Variants in STARD9 observed in about 807,000 individuals in gnomAD.
STARD9 encodes StAR related lipid transfer domain containing 9.
STARD9 carries 346 observed loss-of-function variants against 399.8 expected under a neutral mutation model. The ratio of observed to expected loss-of-function variants is 0.87; its 90% CI spans 0.79 to 0.95. The LOEUF is 0.95. Among genes scored for constraint, STARD9 ranks in the 40% least tolerant of loss-of-function variants. STARD9 has a pLI of 0.00. For synonymous variants in STARD9, 2,203 were observed against 2,143.5 expected (o/e 1.03, Z -0.77); for missense variants, 5,832 against 5,667.5 (o/e 1.03, Z -0.93).
Position 42,718,781 on chromosome 15 carries a change from T to C in STARD9, c.13872T>C (p.Ser4624=). Residue 4624 remains serine, a synonymous_variant, in exon 32 of 33, where the codon TCT becomes TCC. Transcript: ENST00000290607. ...EGHLSVMAAQ[S]VYDTSMPRPS... ...ACCTGTCTGTCATGGCAGCCCAGTC[T>C]GTGTATGATACATCCATGCCAAGAC... The C allele has an allele frequency of 3.3e-6, 5 of 1,537,252 alleles. No homozygotes were observed. Among genetic ancestry groups the C allele is most frequent in the Non-Finnish European group, 4.4e-6 (5 of 1,146,898 alleles).
In STARD9 at chr15:42,687,564, C is replaced by G; in HGVS notation, c.5986C>G (p.Leu1996Val). Residue 1996 changes from leucine to valine, a missense_variant, in exon 23 of 33, where the codon CTT becomes GTT. Physicochemically the swap from Leu to Val is conservative, Grantham distance 32. Transcript: ENST00000290607. ...RPKDSSEEFK[L>V]PGTKPAYERF... ...CAAAGATAGCTCAGAAGAGTTTAAG[C>G]TTCCAGGTACAAAGCCTGCATATGA... The G allele has an allele frequency of 6.5e-7, 1 of 1,537,006 alleles. No individual in the cohort carries two copies. The highest frequency in any genetic ancestry group is 1.2e-5 in the South Asian group (1 of 84,068).
Position 42,685,902 on chromosome 15 carries a change from G to T in STARD9, c.4324G>T (p.Gly1442Cys). 1 of 1,537,084 alleles carries T rather than the reference G, an allele frequency of 6.5e-7. No homozygotes were observed. Among genetic ancestry groups the T allele is most frequent in the African/African-American group, 1.4e-5 (1 of 73,134 alleles). Residue 1442 changes from glycine to cysteine, a missense_variant, in exon 23 of 33, where the codon GGC (glycine) becomes TGC (cysteine). Gly to Cys is a radical substitution (Grantham distance 159). Transcript: ENST00000290607. ...ACCAGGAGCTGATGGCACCTTTCAG[G>T]GCAGATGTATCCCTGACATGACCCA... ...IQPGADGTFQ[G>C]RCIPDMTQQG...
At chr15:42,679,930 G>A (rs575337117) in intron 20 of STARD9, among the ~76,000 whole-genome samples, 2 of 152,280 alleles carry the variant, frequency 1.3e-5, no homozygotes, top group African/African-American at 4.8e-5. Flanking sequence ...CAGCGTATGG[G>A]TCATACTGCC....
chr15:42,605,081 C>T (rs372957577), intron 3 of STARD9, among the ~76,000 whole-genome samples: 18 of 152,182 alleles, frequency 1.2e-4, no homozygotes, highest in East Asian at 7.7e-4. Context: ...TCAAAGACTT[C>T]TCAAAGCATC....
rs908168240 is a variant in STARD9 at position 42,618,058 on chromosome 15, C to T, written c.235-16798C>T. 2.6e-5 allele frequency among the ~76,000 whole-genome samples: 4 copies of T among 151,996 alleles called. No individual in the cohort carries two copies. In the East Asian group the frequency reaches 7.7e-4, roughly 29 times the overall value. ...ATAGGCATGAGCCACCGTGCCTAGCCCATTCCTTCATTTAGTACACACTTT... is the reference window on the plus strand; with the variant it reads ...ATAGGCATGAGCCACCGTGCCTAGCTCATTCCTTCATTTAGTACACACTTT... On this transcript the variant is annotated intron_variant, in intron 3 of 32. Coordinates refer to ENST00000290607, the MANE Select transcript of STARD9 (RefSeq NM_020759.3).
Position 42,663,630 on chromosome 15 carries a change from C to T in STARD9, c.1078+140C>T, listed in dbSNP as rs1170366059. 16 of 615,388 alleles carry T rather than the reference C, an allele frequency of 2.6e-5. No homozygotes were observed. In the Admixed American group the frequency reaches 4.7e-4, roughly 18 times the overall value. The allele number at this position is 615,388 out of a possible 1,614,324, so 38.1% of individuals were successfully genotyped here. ...CTATCTCAGAGAAAGGGCCATGGCC[C>T]CAGTGAGTGGGATGCCAGAGCTGGA... On this transcript the variant is annotated intron_variant, in intron 12 of 32. Coordinates refer to ENST00000290607, the MANE Select transcript of STARD9 (RefSeq NM_020759.3).
rs901981777 is a variant in STARD9, at chr15:42,674,518, C to T, written c.1549+27C>T. 11 of 1,530,068 alleles carry T rather than the reference C, an allele frequency of 7.2e-6. No individual in the cohort carries two copies. In the African/African-American group the frequency reaches 1.1e-4, roughly 15 times the overall value. 94.8% of individuals were successfully genotyped at this position (1,530,068 alleles called of 1,614,324 possible). A position where few individuals can be genotyped will look rare whatever the true frequency, so the allele number is the denominator to read the frequency against. On this transcript the variant is annotated intron_variant, in intron 17 of 32. Coordinates refer to ENST00000290607, the MANE Select transcript of STARD9 (RefSeq NM_020759.3). ...TAAGTGGCAGAGTATATGAGTCCAG[C>T]ATTTTGGGGCTAGTATTTGTGCCCG...
At chr15:42,601,091 A>G (rs1470902416) in intron 3 of STARD9, among the ~76,000 whole-genome samples, 2 of 152,108 alleles carry the variant, frequency 1.3e-5, no homozygotes, top group African/African-American at 2.4e-5. Flanking sequence ...GCTGCCTTCA[A>G]GCATCTGTTT....
chr15:42,665,810 GA>G lies in STARD9; in HGVS notation c.1283del (p.Asn428ThrfsTer2). 1 of 1,537,224 alleles carries G rather than the reference GA, an allele frequency of 6.5e-7. No homozygotes were observed. The highest frequency in any genetic ancestry group is 8.7e-7 in the Non-Finnish European group (1 of 1,146,864). On this transcript the variant is annotated frameshift_variant, in exon 15 of 33. Transcript: ENST00000290607. LOFTEE classifies it high-confidence loss of function. ...ELRNFSSLSD[E>X]NLKELVLQNE... ...GAGAAACTTCAGTTCATTGAGTGAT[GA>G]AAACCTGAAGGAGCTGGTTCTCCAA...
intron 3 of STARD9, among the ~76,000 whole-genome samples, chr15:42,596,119 A>G (rs2058499469): frequency 6.6e-6 from 1 of 152,204 alleles, no homozygotes; most frequent in African/African-American, 2.4e-5. Flanking sequence ...CTGTAAGACA[A>G]GGGTAATGGA....
rs55808206 is a variant in STARD9 at position 42,712,111 on chromosome 15, A to ATAATATATATATTATATATT, written c.13285-4566_13285-4565insTAATATATATATTATATATT. Among the ~76,000 whole-genome samples the ATAATATATATATTATATATT allele has an allele frequency of 7.2e-3, 23 of 3,180 alleles. 8 individuals are homozygous for ATAATATATATATTATATATT. Among genetic ancestry groups the ATAATATATATATTATATATT allele is most frequent in the African/African-American group, 0.044 (23 of 526 alleles). The allele number at this position is 3,180 out of a possible 152,430, so 2.1% of individuals were successfully genotyped here. A position where few individuals can be genotyped will look rare whatever the true frequency, so the allele number is the denominator to read the frequency against. On this transcript the variant is annotated intron_variant, in intron 26 of 32. Transcript: ENST00000290607. ...TATATATATATAATATATAATATAT[A>ATAATATATATATTATATATT]ATATATAATATATATATAAATGTGC...
intron 3 of STARD9, among the ~76,000 whole-genome samples, chr15:42,607,549 A>G (rs1595623820): frequency 1.3e-5 from 2 of 151,300 alleles, no homozygotes; most frequent in South Asian, 4.2e-4. Flanking sequence ...TCTGTGGAGT[A>G]CCCTAGGAAT....
chr15:42,697,978 G>C (rs976858902), intron 26 of STARD9, among the ~76,000 whole-genome samples: 16 of 152,178 alleles, frequency 1.1e-4, no homozygotes, highest in African/African-American at 3.9e-4. Context: ...ATCCTCCTAG[G>C]GGTCTTTATG....
At position 42,641,895 on chromosome 15, in the gene STARD9, C is replaced by T. The variant is rs1243867919; in HGVS notation, c.559+3083C>T. 3.9e-5 allele frequency among the ~76,000 whole-genome samples: 6 copies of T among 152,178 alleles called. No homozygotes were observed. The South Asian group carries it at 6.2e-4, about 16-fold the overall frequency. On this transcript the variant is annotated intron_variant, in intron 7 of 32. Coordinates refer to ENST00000290607, the MANE Select transcript of STARD9 (RefSeq NM_020759.3). ...CTGAGATTACAGGCATGAGCCACCGCGCCCGGCTGACATTTCTTAATGAAG... is the reference window on the plus strand; with the variant it reads ...CTGAGATTACAGGCATGAGCCACCGTGCCCGGCTGACATTTCTTAATGAAG...
intron 26 of STARD9, among the ~76,000 whole-genome samples, chr15:42,708,916 TA>T (rs1405784506): frequency 6.6e-6 from 1 of 152,158 alleles, no homozygotes; most frequent in East Asian, 1.9e-4. Flanking sequence ...GGATGCTAGT[TA>T]AATTCAAATT....
intron 9 of STARD9, among the ~76,000 whole-genome samples, chr15:42,657,589 A>C (rs2059902169): frequency 6.6e-6 from 1 of 152,214 alleles, no homozygotes; most frequent in South Asian, 2.1e-4. Context: ...TAGATAACCA[A>C]ACAGAAATCA....
intron 3 of STARD9, among the ~76,000 whole-genome samples, chr15:42,602,317 G>A (rs886502694): frequency 6.6e-6 from 1 of 152,120 alleles, no homozygotes; most frequent in Non-Finnish European, 1.5e-5. Flanking sequence ...ATTTCCAGTT[G>A]CAGGTTTTGA....
intron 3 of STARD9, among the ~76,000 whole-genome samples, chr15:42,627,241 A>C (rs980387764): frequency 3.9e-5 from 6 of 152,184 alleles, no homozygotes; most frequent in Non-Finnish European, 7.3e-5. Flanking sequence ...GGCTGCAGTA[A>C]GCTGTGATTG....
At chr15:42,655,316 C>T (rs547797147) in intron 9 of STARD9, among the ~76,000 whole-genome samples, 35 of 152,102 alleles carry the variant, frequency 2.3e-4, no homozygotes, top group Non-Finnish European at 4.4e-4. Context: ...GGATGCATTA[C>T]ATTACCCAAC....
Sources: allele counts gnomAD v4.1 joint callset (sites outside exome capture counted in the v4.1 genomes callset), GRCh38; gene constraint gnomAD v4.1.1; transcripts MANE v1.5; gene names NCBI Gene and HGNC (gene_info 2026-07-23, HGNC 2026-07-21).